The following UBE2R2 variants were observed in gnomAD, a reference collection of about 807,000 sequenced individuals.
UBE2R2 encodes the protein ubiquitin-conjugating enzyme E2 R2.
A neutral mutation model predicts 27.8 loss-of-function variants in UBE2R2; 1 was observed. That is an observed-to-expected ratio of 0.04 (90% confidence interval 0.01 to 0.17). UBE2R2 has a LOEUF of 0.17. Ranked by LOEUF, UBE2R2 falls within the 10% of genes least tolerant of loss-of-function variation. The pLI is 1.00. For missense variants in UBE2R2, 100 were observed against 291.0 expected (o/e 0.34, Z 4.78); for synonymous variants, 106 against 113.3 (o/e 0.94, Z 0.41).
At chr9:33,915,646 G>A (rs553342521) in intron 4 of UBE2R2, among the ~76,000 whole-genome samples, 2 of 152,296 alleles carry the variant, frequency 1.3e-5, no homozygotes, top group Admixed American at 1.3e-4. Context: ...ACAATTTATT[G>A]TTTGTTCATT....
chr9:33,849,273 T>C (rs1012480073), intron 1 of UBE2R2, among the ~76,000 whole-genome samples: 1 of 151,936 alleles, frequency 6.6e-6, no homozygotes, highest in East Asian at 1.9e-4. Flanking sequence ...AATAAATAAA[T>C]AAACTCCTGT....
chr9:33,866,873 T>C (rs1821375370), intron 1 of UBE2R2, among the ~76,000 whole-genome samples: 1 of 152,210 alleles, frequency 6.6e-6, no homozygotes, highest in Admixed American at 6.5e-5. Flanking sequence ...TGAATCCACA[T>C]ACATGTATTG....
intron 1 of UBE2R2, among the ~76,000 whole-genome samples, chr9:33,881,528 T>A (rs770729797): frequency 3.3e-5 from 5 of 152,178 alleles, no homozygotes; most frequent in Non-Finnish European, 5.9e-5. Context: ...TCACACTGTA[T>A]TTAGTTGTCC....
intron 1 of UBE2R2, among the ~76,000 whole-genome samples, chr9:33,833,222 GC>G (rs1292873639): frequency 2.0e-4 from 30 of 152,284 alleles, no homozygotes; most frequent in Middle Eastern, 3.4e-3. Context: ...ATGCCACCGT[GC>G]CTGGCTAATT....
intron 1 of UBE2R2, among the ~76,000 whole-genome samples, chr9:33,878,494 T>C (rs1361775775): frequency 6.6e-6 from 1 of 152,120 alleles, no homozygotes; most frequent in Non-Finnish European, 1.5e-5. Context: ...GGTGCACGTC[T>C]GTAGTCCCAG....
chr9:33,851,799 C>T (rs1033318111), intron 1 of UBE2R2, among the ~76,000 whole-genome samples: 16 of 152,100 alleles, frequency 1.1e-4, no homozygotes, highest in African/African-American at 3.9e-4. Context: ...TCAATGGACT[C>T]ATCTCCTATT....
At chr9:33,914,341 C>T (rs1822581675) in intron 4 of UBE2R2, among the ~76,000 whole-genome samples, 1 of 152,136 alleles carries the variant, frequency 6.6e-6, no homozygotes, top group South Asian at 2.1e-4. Context: ...AGGAGTATAA[C>T]AGCATGACAT....
chr9:33,874,358 C>A (rs745526449), intron 1 of UBE2R2, among the ~76,000 whole-genome samples: 1 of 152,024 alleles, frequency 6.6e-6, no homozygotes, highest in African/African-American at 2.4e-5. Flanking sequence ...AGTGAAAAAT[C>A]TTCTTTTTTC....
chr9:33,919,048 T>G lies in UBE2R2; in HGVS notation c.*1811T>G, dbSNP rs1822730104. On this transcript the variant is annotated 3_prime_UTR_variant, in exon 5 of 5. Transcript: ENST00000263228. ...CAAGCAAGGCTCTTAGGGGACACTG[T>G]TGAGCCTGGTCCCAGAATCTGTGAT... 6.6e-6 allele frequency: 1 copy of G among 152,308 alleles called. No homozygotes were observed. The highest frequency in any genetic ancestry group is 1.5e-5 in the Non-Finnish European group (1 of 68,064). 9.4% of individuals were successfully genotyped at this position (152,308 alleles called of 1,614,324 possible). A position where few individuals can be genotyped will look rare whatever the true frequency, so the allele number is the denominator to read the frequency against.
At chr9:33,883,938 G>A (rs1821792363) in intron 1 of UBE2R2, among the ~76,000 whole-genome samples, 2 of 151,816 alleles carry the variant, frequency 1.3e-5, no homozygotes, top group South Asian at 4.2e-4. Context: ...CGAGGCGTGG[G>A]GATTGCTTGA....
chr9:33,891,014 A>T (rs1165558337), intron 2 of UBE2R2, among the ~76,000 whole-genome samples: 1 of 149,736 alleles, frequency 6.7e-6, no homozygotes, highest in South Asian at 2.1e-4. Flanking sequence ...GGCCAAAAAT[A>T]GTTTCTTATG....
chr9:33,877,350 T>C (rs1402806799), intron 1 of UBE2R2, among the ~76,000 whole-genome samples: 1 of 151,806 alleles, frequency 6.6e-6, no homozygotes, highest in Non-Finnish European at 1.5e-5. Context: ...GCCCGGCTAA[T>C]TTTTTCTGTT....
At chr9:33,880,077 G>A (rs1319011789) in intron 1 of UBE2R2, among the ~76,000 whole-genome samples, 1 of 151,372 alleles carries the variant, frequency 6.6e-6, no homozygotes, top group African/African-American at 2.4e-5. Flanking sequence ...GTAAAGATGA[G>A]GTCTTACCAT....
intron 1 of UBE2R2, among the ~76,000 whole-genome samples, chr9:33,869,802 T>C (rs1821445703): frequency 1.3e-5 from 2 of 152,062 alleles, no homozygotes; most frequent in Non-Finnish European, 2.9e-5. Context: ...GGGTACATCT[T>C]TGCCTAGATA....
intron 1 of UBE2R2, among the ~76,000 whole-genome samples, chr9:33,840,749 T>C (rs1820716141): frequency 6.6e-6 from 1 of 152,136 alleles, no homozygotes; most frequent in Non-Finnish European, 1.5e-5. Flanking sequence ...AAATTTTTTG[T>C]TGGAATACTT....
At chr9:33,883,847 C>A (rs1435539495) in intron 1 of UBE2R2, among the ~76,000 whole-genome samples, 3 of 149,592 alleles carry the variant, frequency 2.0e-5, no homozygotes, top group East Asian at 3.9e-4. Context: ...AGTTTTTGTA[C>A]TTCTTAAATT....
intron 1 of UBE2R2, among the ~76,000 whole-genome samples, chr9:33,821,656 G>T (rs1018823423): frequency 2.7e-5 from 4 of 149,220 alleles, no homozygotes; most frequent in African/African-American, 9.9e-5. Context: ...TCACTCTTTT[G>T]CCAGGCTGGA....
intron 1 of UBE2R2, among the ~76,000 whole-genome samples, chr9:33,858,709 T>C (rs1273928074): frequency 1.3e-5 from 2 of 152,106 alleles, no homozygotes; most frequent in Non-Finnish European, 2.9e-5. Context: ...GCCAGGCCAA[T>C]ATTAAATATT....
rs181160457 is a variant in UBE2R2, at chr9:33,903,239, T to C, written c.362+2968T>C. Among the ~76,000 whole-genome samples the C allele has an allele frequency of 4.7e-3, 712 of 152,346 alleles. 3 individuals carry two copies. The highest frequency in any genetic ancestry group is 5.1e-3 in the Non-Finnish European group (347 of 68,026). The stretch of plus-strand genomic sequence containing the variant: ...TGTGTATAAAAGTTTTTAAAAAATA[T>C]TTTGGATGATTTGTTGAAAAAATTG... On this transcript the variant is annotated intron_variant, in intron 3 of 4. Transcript: ENST00000263228.
Sources: allele counts gnomAD v4.1 joint callset (sites outside exome capture counted in the v4.1 genomes callset), GRCh38; gene constraint gnomAD v4.1.1; transcripts MANE v1.5; gene names NCBI Gene and HGNC (gene_info 2026-07-23, HGNC 2026-07-21).